The following GRIN1 variants were observed in gnomAD, a reference collection of about 807,000 sequenced individuals.
GRIN1 encodes glutamate ionotropic receptor NMDA type subunit 1.
In GRIN1, 38 loss-of-function variants were observed where a neutral mutation model predicts 103.0. The observed-to-expected ratio is 0.37, with a 90% CI of 0.28 to 0.48. The LOEUF (loss-of-function observed/expected upper bound fraction) is 0.48, where lower values mean the gene tolerates loss of function less well. Among genes scored for constraint, GRIN1 ranks in the 20% least tolerant of loss-of-function variants. GRIN1 has a pLI of 0.98. For missense variants in GRIN1, 577 were observed against 1,288.9 expected (o/e 0.45, Z 8.46); for synonymous variants, 544 against 532.7 (o/e 1.02, Z -0.29).
In GRIN1 at chr9:137,139,445, C is replaced by G; in HGVS notation, c.-42C>G. The G allele has an allele frequency of 7.1e-7, 1 of 1,413,682 alleles. No homozygotes were observed. Among genetic ancestry groups the G allele is most frequent in the Non-Finnish European group, 9.2e-7 (1 of 1,083,538 alleles). The allele number at this position is 1,413,682 out of a possible 1,614,324, so 87.6% of individuals were successfully genotyped here. A position where few individuals can be genotyped will look rare whatever the true frequency, so the allele number is the denominator to read the frequency against. On this transcript the variant is annotated 5_prime_UTR_variant, in exon 1 of 20. Coordinates refer to ENST00000371561, the MANE Select transcript of GRIN1 (RefSeq NM_007327.4). The surrounding 1 kb of genome is among the most constrained non-coding windows in gnomAD (Gnocchi z 7.7). ...CCCCGCGGGGGATGCGCCGAGGGCC[C>G]CGCGTTCGCGCCGCGCAGAGCCAGG...
chr9:137,148,546 C>T (rs1053935136), intron 3 of GRIN1, among the ~76,000 whole-genome samples: 4 of 152,278 alleles, frequency 2.6e-5, no homozygotes, highest in African/African-American at 4.8e-5. Flanking sequence ...GCCACCCACT[C>T]GCCGGGGCCG....
chr9:137,156,189 C>T (rs1833204746), intron 4 of GRIN1, among the ~76,000 whole-genome samples: 1 of 152,192 alleles, frequency 6.6e-6, no homozygotes, highest in South Asian at 2.1e-4. Context: ...CGAGCAGTGC[C>T]TGGTATCTGG....
At chr9:137,149,256 AC>A in intron 4 of GRIN1, 147 bp downstream of exon 4, 1 of 673,278 alleles carries the variant, frequency 1.5e-6, no homozygotes. Context: ...CCCCACCCCC[AC>A]CCGCACCCAC....
In GRIN1 at chr9:137,156,268, A is replaced by G. The variant is rs139038793; in HGVS notation, c.672-401A>G. 3.5e-4 allele frequency among the ~76,000 whole-genome samples: 53 copies of G among 152,326 alleles called. No homozygotes were observed. In the East Asian group the frequency reaches 0.01, roughly 29 times the overall value. ...ATCAGAGCCTTCTGAGGTGGAGGGA[A>G]GGGCGTGCTGGGGAGCACAGGTGCA... On this transcript the variant is annotated intron_variant, in intron 4 of 19. Transcript: ENST00000371561.
At position 137,139,316 on chromosome 9, in the gene GRIN1, G is replaced by A; in HGVS notation, c.-171G>A. 3.6e-6 allele frequency: 1 copy of A among 276,468 alleles called. No individual in the cohort carries two copies. The highest frequency in any genetic ancestry group is 6.5e-6 in the Non-Finnish European group (1 of 154,896). 17.1% of individuals were successfully genotyped at this position (276,468 alleles called of 1,614,324 possible). On this transcript the variant is annotated 5_prime_UTR_variant, in exon 1 of 20. Coordinates refer to ENST00000371561, the MANE Select transcript of GRIN1 (RefSeq NM_007327.4). The surrounding 1 kb of genome is among the most constrained non-coding windows in gnomAD (Gnocchi z 7.7). ...GGCTGAGCCCCGAGCCCCCGCGCAC[G>A]CTTCAGCGCCCCTTCCCTCGGCCGA...
chr9:137,158,760 C>A (rs773503323), intron 8 of GRIN1, 56 bp downstream of exon 8: 21 of 1,296,574 alleles, frequency 1.6e-5, no homozygotes, highest in Non-Finnish European at 2.0e-5. Flanking sequence ...CCATCCACCC[C>A]CTCTGGCCTG....
chr9:137,155,865 C>A (rs947710542), intron 4 of GRIN1, among the ~76,000 whole-genome samples: 3 of 152,234 alleles, frequency 2.0e-5, no homozygotes, highest in Admixed American at 1.3e-4. Context: ...TGTCCTCCTG[C>A]AGGCCCCAGG....
chr9:137,153,281 A>G (rs1833016655), intron 4 of GRIN1, among the ~76,000 whole-genome samples: 1 of 151,202 alleles, frequency 6.6e-6, no homozygotes, highest in African/African-American at 2.4e-5. Context: ...ACACATGTGC[A>G]CAAATGTATG....
chr9:137,162,138 G>T, intron 11 of GRIN1, 34 bp from the exon 12 acceptor site: 1 of 1,540,288 alleles, frequency 6.5e-7, no homozygotes, highest in Non-Finnish European at 8.8e-7. Context: ...TCCCTGGAGG[G>T]CCCGGGCCGC....
chr9:137,162,807 G>T (rs765555126), intron 14 of GRIN1, 39 bp from the exon 15 acceptor site: 22 of 1,608,046 alleles, frequency 1.4e-5, no homozygotes, highest in Non-Finnish European at 1.6e-5. Context: ...TAGGGGCCTG[G>T]GGAGCCGCCG....
At chr9:137,164,944 A>G (rs1243124778) in intron 18 of GRIN1, 1 of 513,996 alleles carries the variant, frequency 1.9e-6, no homozygotes, top group African/African-American at 1.9e-5. Flanking sequence ...CCTCCCAGGA[A>G]GAGCCAGCCG....
At chr9:137,164,939 C>T (rs1192884193) in intron 18 of GRIN1, 4 of 511,050 alleles carry the variant, frequency 7.8e-6, no homozygotes, top group Non-Finnish European at 1.4e-5. Context: ...GCGGACCTCC[C>T]AGGAAGAGCC....
At chr9:137,159,216 G>T (rs937402843) in intron 8 of GRIN1, among the ~76,000 whole-genome samples, 1 of 151,958 alleles carries the variant, frequency 6.6e-6, no homozygotes, top group Non-Finnish European at 1.5e-5. Context: ...CTTTCCCTTG[G>T]CTCCCTACTC....
Position 137,163,072 on chromosome 9 carries a change from G to A in GRIN1, c.2171+69G>A, listed in dbSNP as rs1435613137. On this transcript the variant is annotated intron_variant, in intron 15 of 19. Coordinates refer to ENST00000371561, the MANE Select transcript of GRIN1 (RefSeq NM_007327.4). ...GGAGGGGGAGGGTGGCCTCCACCGG[G>A]CAGGAGAGCGTCCGGGCCGGGCACC... The A allele has an allele frequency of 4.5e-6, 7 of 1,564,964 alleles. No individual in the cohort carries two copies. The South Asian group carries it at 5.7e-5, about 13-fold the overall frequency.
chr9:137,155,335 G>T (rs1434252166), intron 4 of GRIN1, among the ~76,000 whole-genome samples: 1 of 152,252 alleles, frequency 6.6e-6, no homozygotes, highest in African/African-American at 2.4e-5. Context: ...TCAGTGTGCG[G>T]AGCCTCTGCT....
chr9:137,153,320 A>T (rs567402271), intron 4 of GRIN1, among the ~76,000 whole-genome samples: 1 of 150,932 alleles, frequency 6.6e-6, no homozygotes, highest in South Asian at 2.1e-4. Flanking sequence ...ACCATGCATC[A>T]TCTCTACCCA....
intron 6 of GRIN1, among the ~76,000 whole-genome samples, chr9:137,158,177 C>T (rs558169305): frequency 5.9e-5 from 9 of 152,352 alleles, no homozygotes; most frequent in African/African-American, 1.9e-4. Flanking sequence ...GCAGATACCA[C>T]GGTGTCCAGG....
intron 6 of GRIN1, among the ~76,000 whole-genome samples, chr9:137,157,445 T>C (rs1833297830): frequency 6.6e-6 from 1 of 152,070 alleles, no homozygotes; most frequent in Non-Finnish European, 1.5e-5. Context: ...GGGGACTGGC[T>C]CCACTGCCTC....
chr9:137,145,511 G>A lies in GRIN1; in HGVS notation c.394-215G>A, dbSNP rs542878283. Among the ~76,000 whole-genome samples the A allele has an allele frequency of 3.3e-3, 355 of 107,652 alleles. 3 individuals are homozygous for A. The highest frequency in any genetic ancestry group is 0.012 in the African/African-American group (335 of 27,402). The allele number at this position is 107,652 out of a possible 152,430, so 70.6% of individuals were successfully genotyped here. A position where few individuals can be genotyped will look rare whatever the true frequency, so the allele number is the denominator to read the frequency against. On this transcript the variant is annotated intron_variant, in intron 2 of 19. Coordinates refer to ENST00000371561, the MANE Select transcript of GRIN1 (RefSeq NM_007327.4). The stretch of plus-strand genomic sequence containing the variant: ...GGGACAGGGGTGGGAGACACGAGGG[G>A]GTCCCAGGGTCTAGAAAGTGTCCCC...
Sources: gnomAD v4.1 joint callset for allele counts (sites outside exome capture counted in the v4.1 genomes callset) on GRCh38, gnomAD v4.1.1 for gene constraint, Gnocchi (gnomAD v3.1) non-coding constraint, MANE v1.5 for transcripts, NCBI Gene and HGNC (gene_info 2026-07-23, HGNC 2026-07-21) for gene names.